Variants in BCAR3 observed in about 807,000 individuals in gnomAD.
BCAR3 encodes BCAR3 adaptor protein, NSP family member.
In BCAR3, 37 loss-of-function variants were observed where a neutral mutation model predicts 80.1. The ratio of observed to expected loss-of-function variants is 0.46; its 90% CI spans 0.36 to 0.61. The LOEUF is 0.61. Among genes scored for constraint, BCAR3 ranks in the 20% least tolerant of loss-of-function variants. BCAR3 has a pLI of 0.00. For missense variants in BCAR3, 978 were observed against 1,068.2 expected (o/e 0.92, Z 1.18); for synonymous variants, 389 against 418.9 (o/e 0.93, Z 0.87).
intron 2 of BCAR3, among the ~76,000 whole-genome samples, chr1:93,757,506 G>T (rs1651787153): frequency 6.6e-6 from 1 of 152,318 alleles, no homozygotes. Context: ...TTTGCAATAT[G>T]TGTTGGGTTA....
chr1:93,669,675 TATC>T (rs1166926134), intron 2 of BCAR3, among the ~76,000 whole-genome samples: 4 of 152,220 alleles, frequency 2.6e-5, no homozygotes, highest in African/African-American at 9.6e-5. Context: ...ATCCCTCAGC[TATC>T]CTAGCAACAC....
At chr1:93,563,490 G>T (rs542317710) in intron 11 of BCAR3, among the ~76,000 whole-genome samples, 1 of 152,252 alleles carries the variant, frequency 6.6e-6, no homozygotes, top group South Asian at 2.1e-4. Flanking sequence ...AAGTGGTTGT[G>T]AACACTTGTG....
chr1:93,580,624 A>G (rs1673666097), intron 7 of BCAR3, among the ~76,000 whole-genome samples: 1 of 152,140 alleles, frequency 6.6e-6, no homozygotes, highest in South Asian at 2.1e-4. Flanking sequence ...ACGTTGTATT[A>G]GGTGTTGTAA....
intron 5 of BCAR3, chr1:93,585,217 C>T: frequency 1.0e-6 from 1 of 985,586 alleles, no homozygotes; most frequent in Non-Finnish European, 1.2e-6. Context: ...AGCCAGCCAA[C>T]TAGCAGGCCC....
chr1:93,743,379 C>T (rs1370404911), intron 2 of BCAR3, among the ~76,000 whole-genome samples: 2 of 152,192 alleles, frequency 1.3e-5, no homozygotes, highest in Non-Finnish European at 2.9e-5. Flanking sequence ...CCTTCCAGAT[C>T]AGTGGGCTAG....
At chr1:93,604,786 C>G (rs532802674) in intron 3 of BCAR3, among the ~76,000 whole-genome samples, 4 of 152,352 alleles carry the variant, frequency 2.6e-5, no homozygotes, top group Non-Finnish European at 5.9e-5. Context: ...GGGTAGAATT[C>G]TAAGCTTGAC....
At chr1:93,631,307 A>G (rs536447415) in intron 3 of BCAR3, among the ~76,000 whole-genome samples, 1 of 152,372 alleles carries the variant, frequency 6.6e-6, no homozygotes, top group African/African-American at 2.4e-5. Flanking sequence ...TAATTTGATT[A>G]TATCTGCAAT....
chr1:93,718,336 TGAAGGTA>T (rs1571070582), intron 2 of BCAR3, among the ~76,000 whole-genome samples: 2 of 152,172 alleles, frequency 1.3e-5, no homozygotes, highest in Non-Finnish European at 2.9e-5. Context: ...ACCCCAAAGA[TGAAGGTA>T]GAATGCGTAC....
At chr1:93,615,144 C>G (rs574399462) in intron 3 of BCAR3, among the ~76,000 whole-genome samples, 1 of 151,918 alleles carries the variant, frequency 6.6e-6, no homozygotes, top group Middle Eastern at 3.4e-3. Flanking sequence ...TAAAACTTCA[C>G]ACAGGCAGAA....
At chr1:93,571,897 T>G in intron 8 of BCAR3, 56 bp from the exon 9 acceptor site, 1 of 1,552,874 alleles carries the variant, frequency 6.4e-7, no homozygotes, top group Non-Finnish European at 8.7e-7. Flanking sequence ...AGGAGAAAAC[T>G]AAACCAAATC....
intron 3 of BCAR3, among the ~76,000 whole-genome samples, chr1:93,597,138 C>G (rs1349831017): frequency 6.6e-6 from 1 of 152,086 alleles, no homozygotes; most frequent in African/African-American, 2.4e-5. Flanking sequence ...ATAACTTCAG[C>G]AGGAAAGAAA....
chr1:93,774,379 G>C (rs1652465241), intron 2 of BCAR3, among the ~76,000 whole-genome samples: 1 of 151,690 alleles, frequency 6.6e-6, no homozygotes, highest in African/African-American at 2.4e-5. Flanking sequence ...AGCCACTCAG[G>C]AGTCTGAGGC....
At chr1:93,612,685 C>T (rs1674992190) in intron 3 of BCAR3, among the ~76,000 whole-genome samples, 1 of 152,166 alleles carries the variant, frequency 6.6e-6, no homozygotes, top group East Asian at 1.9e-4. Flanking sequence ...ATGACTTCAT[C>T]TGCCCCACAC....
At chr1:93,735,553 G>A (rs1650945418) in intron 2 of BCAR3, among the ~76,000 whole-genome samples, 1 of 152,200 alleles carries the variant, frequency 6.6e-6, no homozygotes. Flanking sequence ...CTCAGATGCA[G>A]CTGGCTAGTT....
intron 7 of BCAR3, among the ~76,000 whole-genome samples, chr1:93,579,702 A>AC (rs1325114306): frequency 6.6e-6 from 1 of 152,200 alleles, no homozygotes; most frequent in African/African-American, 2.4e-5. Context: ...GCCCAGGGCC[A>AC]CAGGAAGGAT....
chr1:93,605,456 AGTTCAGCAGCAAGATT>A (rs2101871794), intron 3 of BCAR3: 1 of 152,262 alleles, frequency 6.6e-6, no homozygotes, highest in East Asian at 1.9e-4. Flanking sequence ...TTAATCGCTG[AGTTCAGCAGCAAGATT>A]ACACTCAGTA....
intron 2 of BCAR3, among the ~76,000 whole-genome samples, chr1:93,766,197 A>G (rs1169917057): frequency 6.6e-6 from 1 of 152,226 alleles, no homozygotes; most frequent in African/African-American, 2.4e-5. Context: ...TAGTCAGTTT[A>G]CAGAACAACC....
intron 2 of BCAR3, among the ~76,000 whole-genome samples, chr1:93,735,835 C>T (rs1167890752): frequency 6.6e-6 from 1 of 152,226 alleles, no homozygotes; most frequent in Non-Finnish European, 1.5e-5. Context: ...GCCAAACTTC[C>T]TTAGGAGTTT....
intron 2 of BCAR3, among the ~76,000 whole-genome samples, chr1:93,751,508 C>A (rs1651555595): frequency 6.6e-6 from 1 of 152,198 alleles, no homozygotes; most frequent in African/African-American, 2.4e-5. Context: ...CAGACTATGG[C>A]AGCAATCCTG....
Sources: gnomAD v4.1 joint callset for allele counts (sites outside exome capture counted in the v4.1 genomes callset) on GRCh38, gnomAD v4.1.1 for gene constraint, MANE v1.5 for transcripts, NCBI Gene and HGNC (gene_info 2026-07-23, HGNC 2026-07-21) for gene names.